PDE4D: variants seen among roughly 807,000 people sequenced by gnomAD.
The protein encoded by PDE4D is 3',5'-cyclic-AMP phosphodiesterase 4D.
Under a neutral mutation model 87.4 loss-of-function variants are expected in PDE4D, and 24 were observed. The observed-to-expected ratio is 0.27, with a 90% CI of 0.20 to 0.39. The LOEUF is 0.39. Among genes scored for constraint, PDE4D ranks in the 10% least tolerant of loss-of-function variants. The pLI, the probability that PDE4D is intolerant of heterozygous loss-of-function variation, is 1.00. For synonymous variants in PDE4D, 384 were observed against 383.2 expected (o/e 1.00, Z -0.02); for missense variants, 714 against 1,041.0 (o/e 0.69, Z 4.32).
intron 2 of PDE4D, among the ~76,000 whole-genome samples, chr5:60,157,758 G>A (rs1222292018): frequency 2.6e-5 from 4 of 152,080 alleles, no homozygotes; most frequent in Non-Finnish European, 4.4e-5. Flanking sequence ...ATGGTGGTAC[G>A]AACCTACATC....
chr5:59,345,520 A>AC (rs1779473498), intron 1 of PDE4D, among the ~76,000 whole-genome samples: 2 of 152,198 alleles, frequency 1.3e-5, no homozygotes, highest in African/African-American at 4.8e-5. Context: ...TTAGTCACTT[A>AC]ATTCACAGTT....
At chr5:60,055,353 A>G (rs542317850) in intron 2 of PDE4D, among the ~76,000 whole-genome samples, 1 of 152,170 alleles carries the variant, frequency 6.6e-6, no homozygotes, top group African/African-American at 2.4e-5. Flanking sequence ...AGTGGGGTCA[A>G]TGTCTCTTAG....
intron 5 of PDE4D, among the ~76,000 whole-genome samples, chr5:59,105,529 T>A (rs1365639303): frequency 6.6e-6 from 1 of 152,080 alleles, no homozygotes; most frequent in East Asian, 1.9e-4. Context: ...CCCACTCCCC[T>A]TACCCCTTAC....
chr5:59,209,612 A>G (rs557787662), intron 2 of PDE4D, among the ~76,000 whole-genome samples: 39 of 152,350 alleles, frequency 2.6e-4, no homozygotes, highest in African/African-American at 9.4e-4. Context: ...AAAATAAATA[A>G]TAGTTCCAAT....
At chr5:59,796,932 G>T (rs1391750236) in intron 1 of PDE4D, 3 of 152,016 alleles carry the variant, frequency 2.0e-5, no homozygotes, top group Admixed American at 1.3e-4. Context: ...TCAAAATCAG[G>T]TTGCTGAGTT....
At chr5:59,527,935 T>C (rs1445367453) in intron 1 of PDE4D, among the ~76,000 whole-genome samples, 1 of 152,250 alleles carries the variant, frequency 6.6e-6, no homozygotes, top group Non-Finnish European at 1.5e-5. Context: ...TTAAAAGTCT[T>C]AAGTATCCTT....
chr5:60,338,197 C>T (rs1020254799), intron 1 of PDE4D, among the ~76,000 whole-genome samples: 8 of 152,076 alleles, frequency 5.3e-5, no homozygotes, highest in Non-Finnish European at 7.4e-5. Flanking sequence ...TCTTGCTTGC[C>T]GTAACAGAAA....
intron 1 of PDE4D, among the ~76,000 whole-genome samples, chr5:59,473,586 G>T (rs1172820531): frequency 6.6e-6 from 1 of 152,104 alleles, no homozygotes; most frequent in Admixed American, 6.6e-5. Flanking sequence ...ATCTCAAAAT[G>T]CCTTATAGTG....
rs148668287 is a variant in PDE4D at position 59,858,094 on chromosome 5, T to C, written c.455+35074A>G. Among the ~76,000 whole-genome samples the C allele has an allele frequency of 9.5e-4, 144 of 152,146 alleles. 1 individual carries two copies. The highest frequency in any genetic ancestry group is 1.6e-3 in the Non-Finnish European group (109 of 67,986). ...CTGGGTTGTTTCCATATGGGACTCT[T>C]TCTATGCAAAGACAAATATTTCAAT... On this transcript the variant is annotated intron_variant, in intron 1 of 14. Coordinates refer to ENST00000340635, the MANE Select transcript of PDE4D (RefSeq NM_001104631.2).
At chr5:60,095,208 AC>A (rs1451354250) in intron 2 of PDE4D, among the ~76,000 whole-genome samples, 1 of 151,658 alleles carries the variant, frequency 6.6e-6, no homozygotes. Context: ...CAGCCCCCTC[AC>A]CCTCTAACAG....
At chr5:59,476,805 T>C (rs11748392) in intron 1 of PDE4D, among the ~76,000 whole-genome samples, 7,135 of 152,160 alleles carry the variant, frequency 0.047, 228 homozygotes, top group Non-Finnish European at 0.074. Flanking sequence ...AGATTTTCTA[T>C]CTATCCAAAA....
At chr5:59,320,366 C>T (rs1021744600) in intron 1 of PDE4D, among the ~76,000 whole-genome samples, 1 of 151,934 alleles carries the variant, frequency 6.6e-6, no homozygotes, top group African/African-American at 2.4e-5. Flanking sequence ...AGGACATCTT[C>T]GGTCCGTTAA....
intron 1 of PDE4D, among the ~76,000 whole-genome samples, chr5:59,450,432 A>G (rs190983246): frequency 3.3e-5 from 5 of 152,246 alleles, no homozygotes; most frequent in East Asian, 1.9e-4. Flanking sequence ...CACTGAGTAC[A>G]CTGTGTCCAT....
At chr5:59,835,394 T>C (rs1741865822) in intron 1 of PDE4D, among the ~76,000 whole-genome samples, 1 of 151,992 alleles carries the variant, frequency 6.6e-6, no homozygotes, top group African/African-American at 2.4e-5. Flanking sequence ...CAAACAGTAC[T>C]AGAATACATG....
chr5:59,022,636 G>C (rs1051758883), intron 6 of PDE4D, among the ~76,000 whole-genome samples: 2 of 152,034 alleles, frequency 1.3e-5, no homozygotes, highest in African/African-American at 2.4e-5. Flanking sequence ...TTAGTCACTT[G>C]GTCTCCTCAT....
At chr5:59,115,157 A>G (rs946994464) in intron 5 of PDE4D, among the ~76,000 whole-genome samples, 13 of 152,168 alleles carry the variant, frequency 8.5e-5, no homozygotes, top group African/African-American at 2.4e-4. Context: ...TTTTAAGTGC[A>G]CTAAACAGAA....
intron 1 of PDE4D, among the ~76,000 whole-genome samples, chr5:59,890,149 T>C (rs1390063416): frequency 1.3e-5 from 2 of 152,068 alleles, no homozygotes; most frequent in Admixed American, 6.6e-5. Flanking sequence ...TGATAATCCA[T>C]AGGGAATCAT....
intron 1 of PDE4D, among the ~76,000 whole-genome samples, chr5:60,505,087 G>A (rs551597708): frequency 1.2e-4 from 18 of 152,318 alleles, no homozygotes; most frequent in Middle Eastern, 3.4e-3. Context: ...TGTGAAGGGG[G>A]CTTTGGATAA....
At chr5:59,539,717 T>C (rs1815953904) in intron 1 of PDE4D, among the ~76,000 whole-genome samples, 1 of 152,056 alleles carries the variant, frequency 6.6e-6, no homozygotes, top group Non-Finnish European at 1.5e-5. Context: ...TGGCTATACT[T>C]CTCTGCTTAC....
Sources: gnomAD v4.1 joint callset for allele counts (sites outside exome capture counted in the v4.1 genomes callset) on GRCh38, gnomAD v4.1.1 for gene constraint, MANE v1.5 for transcripts, NCBI Gene and HGNC (gene_info 2026-07-23, HGNC 2026-07-21) for gene names.